The following HDAC9 variants were observed in gnomAD, a reference collection of about 807,000 sequenced individuals.
HDAC9 encodes the protein MEF-2 interacting transcription repressor (MITR) protein.
A neutral mutation model predicts 139.4 loss-of-function variants in HDAC9; 41 were observed. The observed-to-expected ratio is 0.29, with a 90% CI of 0.23 to 0.38. The LOEUF is 0.38. HDAC9 is among the 10% of genes least tolerant of loss of function. The pLI is 1.00. For synonymous variants in HDAC9, 517 were observed against 476.2 expected (o/e 1.09, Z -1.12); for missense variants, 1,147 against 1,297.0 (o/e 0.88, Z 1.78).
At chr7:18,373,476 G>C (rs1038590073) in intron 1 of HDAC9, among the ~76,000 whole-genome samples, 1 of 152,164 alleles carries the variant, frequency 6.6e-6, no homozygotes, top group South Asian at 2.1e-4. Flanking sequence ...TATATTTGGA[G>C]GGTCTTAGCA....
Position 18,648,005 on chromosome 7 carries a change from C to T in HDAC9, c.1249+7C>T. On this transcript the variant is annotated splice_region_variant and intron_variant, in intron 10 of 25. Transcript: ENST00000686413. ...CAAAAGCTTCTTGTAGCTGGTAATT[C>T]ATTATGGCACCATTTGCAGGTCATT... is the stretch of plus-strand genomic sequence containing the variant. 6.3e-7 allele frequency: 1 copy of T among 1,589,362 alleles called. No individual in the cohort carries two copies. Among genetic ancestry groups the T allele is most frequent in the Non-Finnish European group, 8.6e-7 (1 of 1,163,336 alleles).
intron 12 of HDAC9, among the ~76,000 whole-genome samples, chr7:18,698,658 C>T (rs933248603): frequency 1.3e-5 from 2 of 152,286 alleles, no homozygotes; most frequent in South Asian, 4.1e-4. Flanking sequence ...TTCCTGGCAT[C>T]TGTAAAGAAT....
intron 1 of HDAC9, among the ~76,000 whole-genome samples, chr7:18,415,125 A>G (rs747700563): frequency 2.0e-5 from 3 of 152,190 alleles, no homozygotes; most frequent in Non-Finnish European, 2.9e-5. Flanking sequence ...TAATTGGTCA[A>G]AACTGAGGTG....
intron 1 of HDAC9, among the ~76,000 whole-genome samples, chr7:18,444,226 C>G (rs951066111): frequency 6.6e-6 from 1 of 150,930 alleles, no homozygotes; most frequent in Non-Finnish European, 1.5e-5. Flanking sequence ...GTAGTCCCAG[C>G]TACTTGGGAG....
chr7:18,585,831 CAAG>C (rs1444923661), intron 3 of HDAC9, among the ~76,000 whole-genome samples: 1 of 151,948 alleles, frequency 6.6e-6, no homozygotes, highest in Non-Finnish European at 1.5e-5. Context: ...TGCTCTCCAC[CAAG>C]AAGAAGCATG....
intron 2 of HDAC9, among the ~76,000 whole-genome samples, chr7:18,272,308 T>C (rs1015715327): frequency 3.3e-5 from 5 of 152,198 alleles, no homozygotes; most frequent in African/African-American, 1.2e-4. Context: ...GTAAGTATAA[T>C]TAACTCTTTC....
intron 2 of HDAC9, among the ~76,000 whole-genome samples, chr7:18,277,693 G>A (rs998528036): frequency 4.0e-5 from 6 of 151,870 alleles, no homozygotes; most frequent in African/African-American, 7.3e-5. Context: ...AACTTCTTTC[G>A]ACTGTCTTGA....
chr7:18,278,480 C>G (rs757130422), intron 2 of HDAC9, among the ~76,000 whole-genome samples: 2 of 152,064 alleles, frequency 1.3e-5, no homozygotes, highest in Non-Finnish European at 2.9e-5. Flanking sequence ...TGTGCTGTTG[C>G]CACAGCAGCA....
At chr7:18,241,607 C>T (rs1794191566) in intron 2 of HDAC9, among the ~76,000 whole-genome samples, 1 of 152,074 alleles carries the variant, frequency 6.6e-6, no homozygotes, top group Admixed American at 6.5e-5. Context: ...AGTCCAATGC[C>T]ATTATTCAAT....
chr7:18,102,995 G>C (rs1257623392), intron 1 of HDAC9, among the ~76,000 whole-genome samples: 3 of 152,162 alleles, frequency 2.0e-5, no homozygotes, highest in African/African-American at 7.2e-5. Flanking sequence ...AGACATACCC[G>C]AGACTGGGTA....
At chr7:18,616,581 A>G (rs1353029150) in intron 6 of HDAC9, among the ~76,000 whole-genome samples, 3 of 152,354 alleles carry the variant, frequency 2.0e-5, no homozygotes, top group South Asian at 4.1e-4. Flanking sequence ...ATAGTTCAGT[A>G]AAGTTATAAA....
At chr7:18,965,342 A>G (rs1449635190) in intron 24 of HDAC9, among the ~76,000 whole-genome samples, 1 of 152,220 alleles carries the variant, frequency 6.6e-6, no homozygotes, top group African/African-American at 2.4e-5. Context: ...CATTTTAGTA[A>G]TATGTGTCTC....
intron 6 of HDAC9, among the ~76,000 whole-genome samples, chr7:18,594,937 T>C (rs1918285): frequency 0.28 from 42,242 of 151,698 alleles, 6,133 homozygotes; most frequent in African/African-American, 0.37. Context: ...AAGTATAGAT[T>C]TATTTGTTTT....
intron 6 of HDAC9, among the ~76,000 whole-genome samples, chr7:18,617,496 A>G (rs1208874433): frequency 6.6e-6 from 1 of 152,184 alleles, no homozygotes; most frequent in African/African-American, 2.4e-5. Context: ...TGCCCTCTTC[A>G]ATAGTTCATA....
chr7:18,869,181 TG>T (rs1798724363), intron 21 of HDAC9, among the ~76,000 whole-genome samples: 2 of 150,626 alleles, frequency 1.3e-5, no homozygotes, highest in Admixed American at 6.6e-5. Context: ...TGTGTGTGTG[TG>T]TGTGTTGCGG....
chr7:18,664,241 A>C (rs777968854), intron 11 of HDAC9, among the ~76,000 whole-genome samples: 9 of 152,154 alleles, frequency 5.9e-5, no homozygotes, highest in Non-Finnish European at 1.0e-4. Flanking sequence ...ACCATGAGTA[A>C]ATGAATGTCC....
At chr7:18,900,781 G>T (rs999138625) in intron 22 of HDAC9, among the ~76,000 whole-genome samples, 3 of 152,102 alleles carry the variant, frequency 2.0e-5, no homozygotes, top group African/African-American at 7.2e-5. Context: ...GTGACATAAA[G>T]CAATAAGAAG....
chr7:18,625,498 T>C (rs1158647732), intron 6 of HDAC9, among the ~76,000 whole-genome samples: 1 of 152,180 alleles, frequency 6.6e-6, no homozygotes, highest in Non-Finnish European at 1.5e-5. Flanking sequence ...CCTGTACCCA[T>C]ACCAGATGCC....
intron 22 of HDAC9, among the ~76,000 whole-genome samples, chr7:18,919,910 T>C (rs1317880434): frequency 6.6e-6 from 1 of 152,118 alleles, no homozygotes; most frequent in Non-Finnish European, 1.5e-5. Context: ...CCTTGTAGTA[T>C]AGTTTGAAGT....
Sources: allele counts gnomAD v4.1 joint callset (sites outside exome capture counted in the v4.1 genomes callset), GRCh38; gene constraint gnomAD v4.1.1; transcripts MANE v1.5; gene names NCBI Gene and HGNC (gene_info 2026-07-23, HGNC 2026-07-21).